PCBP3: variants seen among roughly 807,000 people sequenced by gnomAD.
PCBP3 encodes poly(rC)-binding protein 3.
In PCBP3, 25 loss-of-function variants were observed where a neutral mutation model predicts 52.7. The observed-to-expected ratio is 0.47, with a 90% CI of 0.35 to 0.66. The LOEUF (loss-of-function observed/expected upper bound fraction) is 0.66, where lower values mean the gene tolerates loss of function less well. Among genes scored for constraint, PCBP3 ranks in the 30% least tolerant of loss-of-function variants. PCBP3 has a pLI of 0.01. For missense variants in PCBP3, 391 were observed against 490.3 expected (o/e 0.80, Z 1.91); for synonymous variants, 162 against 183.0 (o/e 0.89, Z 0.93).
rs754713676 is a variant in PCBP3 at position 45,800,569 on chromosome 21, G to T, written c.-126+45117G>T. ...CCACCCAACACCACCAGCCTTGCTG[G>T]TGCCTCCTGCCCTGCCCTCTGCTCT... On this transcript the variant is annotated intron_variant, in intron 4 of 17. Coordinates refer to ENST00000681687, the MANE Select transcript of PCBP3 (RefSeq NM_001384156.1). The surrounding 1 kb of genome is among the most constrained non-coding windows in gnomAD (Gnocchi z 5.3). 6.6e-6 allele frequency among the ~76,000 whole-genome samples: 1 copy of T among 152,106 alleles called. No homozygotes were observed. The highest frequency in any genetic ancestry group is 2.4e-5 in the African/African-American group (1 of 41,442).
rs1259602208 is a variant in PCBP3 at position 45,853,308 on chromosome 21, T to C, written c.10+3213T>C. The stretch of plus-strand genomic sequence containing the variant: ...AAACCTAACTGTGGCAGAAGCCAGA[T>C]GCCGTGGGTTGGGTGTGCCAATGGC... On this transcript the variant is annotated intron_variant, in intron 5 of 17. Coordinates refer to ENST00000681687, the MANE Select transcript of PCBP3 (RefSeq NM_001384156.1). This position sits in a 1 kb window ranked among gnomAD's most constrained non-coding sequence, Gnocchi z 4.6. 6.6e-6 allele frequency among the ~76,000 whole-genome samples: 1 copy of C among 152,176 alleles called. No individual in the cohort carries two copies. Among genetic ancestry groups the C allele is most frequent in the Admixed American group, 6.5e-5 (1 of 15,290 alleles).
rs1027866014 is a variant in PCBP3, at chr21:45,760,133, G to A, written c.-126+4681G>A. ...AATACATTTTATACAAACACAAGTG[G>A]AGATAATTTGATACCTATAGGACTT... is the stretch of plus-strand genomic sequence containing the variant. On this transcript the variant is annotated intron_variant, in intron 4 of 17. Transcript: ENST00000681687. 4.6e-5 allele frequency: 7 copies of A among 152,270 alleles called. No homozygotes were observed. In the East Asian group the frequency reaches 1.3e-3, roughly 29 times the overall value. The allele number at this position is 152,270 out of a possible 1,614,324, so 9.4% of individuals were successfully genotyped here.
intron 2 of PCBP3, among the ~76,000 whole-genome samples, chr21:45,683,400 C>T (rs146425497): frequency 3.3e-5 from 5 of 152,184 alleles, no homozygotes; most frequent in East Asian, 1.9e-4. Flanking sequence ...TTAATCTTTA[C>T]GGAGGACTTA....
At chr21:45,658,535 C>T (rs2080172678) in intron 1 of PCBP3, among the ~76,000 whole-genome samples, 1 of 152,198 alleles carries the variant, frequency 6.6e-6, no homozygotes, top group South Asian at 2.1e-4. Context: ...AACTCCTGAC[C>T]TCAAGTGCTC....
chr21:45,757,475 T>G (rs1569188154), intron 4 of PCBP3, among the ~76,000 whole-genome samples: 1 of 152,216 alleles, frequency 6.6e-6, no homozygotes, highest in Non-Finnish European at 1.5e-5. Flanking sequence ...TTTAGTAGGT[T>G]GTCTTTTCAT....
At chr21:45,822,166 C>G (rs1233649927) in intron 4 of PCBP3, among the ~76,000 whole-genome samples, 1 of 152,134 alleles carries the variant, frequency 6.6e-6, no homozygotes. Flanking sequence ...TCGTTTGACC[C>G]TTTTGAAGGT....
chr21:45,652,831 T>C (rs1459024321), intron 1 of PCBP3, among the ~76,000 whole-genome samples: 6 of 152,188 alleles, frequency 3.9e-5, no homozygotes, highest in Non-Finnish European at 5.9e-5. Context: ...CTGTTCTCTT[T>C]TCTAATCTGA....
At chr21:45,659,814 T>A (rs994127070) in intron 1 of PCBP3, among the ~76,000 whole-genome samples, 3 of 152,214 alleles carry the variant, frequency 2.0e-5, no homozygotes, top group African/African-American at 7.2e-5. Flanking sequence ...GGGAACATAT[T>A]TTATATTACT....
chr21:45,795,294 G>A (rs1407099933), intron 4 of PCBP3, among the ~76,000 whole-genome samples: 1 of 150,708 alleles, frequency 6.6e-6, no homozygotes, highest in Non-Finnish European at 1.5e-5. Context: ...GGACACAGAG[G>A]ACACTTGTCT....
rs965604335 is a variant in PCBP3, at chr21:45,904,883, C to CA, written c.339+3771dup. ...CCTCAGCAGTCTTTGTAAAGCTTCC[C>CA]ACCAGTGTTGACTGGAGATATTCAT... is the stretch of plus-strand genomic sequence containing the variant. On this transcript the variant is annotated intron_variant, in intron 9 of 17. Transcript: ENST00000681687. The surrounding 1 kb of genome is among the most constrained non-coding windows in gnomAD (Gnocchi z 4.8). Among the ~76,000 whole-genome samples the CA allele has an allele frequency of 3.3e-5, 5 of 152,114 alleles. No individual in the cohort carries two copies. The highest frequency in any genetic ancestry group is 5.9e-5 in the Non-Finnish European group (4 of 68,020).
At chr21:45,937,924 C>G (rs1346085892) in intron 16 of PCBP3, among the ~76,000 whole-genome samples, 1 of 152,264 alleles carries the variant, frequency 6.6e-6, no homozygotes, top group Non-Finnish European at 1.5e-5. Flanking sequence ...TCAATGATGT[C>G]CCATCAGCAT....
chr21:45,869,215 G>A (rs1300727327), intron 5 of PCBP3: 1 of 152,246 alleles, frequency 6.6e-6, no homozygotes, highest in African/African-American at 2.4e-5. Context: ...CAGGCCGTCA[G>A]CGGATTGAAG....
At chr21:45,796,257 T>C (rs553096983) in intron 4 of PCBP3, among the ~76,000 whole-genome samples, 16 of 152,366 alleles carry the variant, frequency 1.1e-4, no homozygotes, top group African/African-American at 2.6e-4. Context: ...AAAAAATCTA[T>C]AGGTAACTGT....
At chr21:45,756,372 C>G (rs1460095361) in intron 4 of PCBP3, among the ~76,000 whole-genome samples, 1 of 152,066 alleles carries the variant, frequency 6.6e-6, no homozygotes, top group East Asian at 1.9e-4. Context: ...AATGAGTCCT[C>G]TAATGTAGGT....
intron 5 of PCBP3, among the ~76,000 whole-genome samples, chr21:45,877,777 A>G (rs1398809456): frequency 5.9e-5 from 9 of 151,994 alleles, no homozygotes; most frequent in Admixed American, 2.6e-4. Context: ...CCTGGGCAAC[A>G]GGAGTGAAAC....
In PCBP3 at chr21:45,931,722, C is replaced by T. The variant is rs190868801; in HGVS notation, c.856+877C>T. ...CATGCTGTCCTGAGATGAACAAACA[C>T]GTCGGCCGTGCCGTCCTGAAATGAA... On this transcript the variant is annotated intron_variant, in intron 15 of 17. Transcript: ENST00000681687. Among the ~76,000 whole-genome samples, 199 of 152,002 alleles carry T rather than the reference C, an allele frequency of 1.3e-3. 1 individual carries two copies. Among genetic ancestry groups the T allele is most frequent in the African/African-American group, 4.3e-3 (178 of 41,396 alleles).
chr21:45,822,233 G>A (rs1371913637), intron 4 of PCBP3, among the ~76,000 whole-genome samples: 2 of 152,206 alleles, frequency 1.3e-5, no homozygotes, highest in African/African-American at 4.8e-5. Flanking sequence ...CATCCTGGGA[G>A]CCATCGGGGT....
intron 4 of PCBP3, among the ~76,000 whole-genome samples, chr21:45,777,499 A>G (rs2090344325): frequency 6.6e-6 from 1 of 152,182 alleles, no homozygotes; most frequent in Non-Finnish European, 1.5e-5. Flanking sequence ...TTATTTCATT[A>G]AATAGGTTTT....
chr21:45,769,966 T>G (rs182025590), intron 4 of PCBP3, among the ~76,000 whole-genome samples: 10 of 152,338 alleles, frequency 6.6e-5, no homozygotes, highest in African/African-American at 2.4e-4. Flanking sequence ...TTCTGGACAT[T>G]GTTTAGCCTG....
Sources: gnomAD v4.1 joint callset for allele counts (sites outside exome capture counted in the v4.1 genomes callset) on GRCh38, gnomAD v4.1.1 for gene constraint, Gnocchi (gnomAD v3.1) non-coding constraint, MANE v1.5 for transcripts, NCBI Gene and HGNC (gene_info 2026-07-23, HGNC 2026-07-21) for gene names.